TRIM56: variants seen among roughly 807,000 people sequenced by gnomAD.
TRIM56 encodes the protein tripartite motif containing 56, also known as E3 ubiquitin-protein ligase TRIM56.
A neutral mutation model predicts 17.1 loss-of-function variants in TRIM56; 10 were observed. That is an observed-to-expected ratio of 0.58 (90% CI 0.36 to 0.99). TRIM56 has a LOEUF of 0.99. Ranked by LOEUF, TRIM56 falls within the 50% of genes least tolerant of loss-of-function variation. The pLI is 0.01. For synonymous variants in TRIM56, 503 were observed against 473.5 expected, an observed-to-expected ratio of 1.06 and a Z score of -0.81; for missense variants, 923 against 1,052.3, an observed-to-expected ratio of 0.88 and a Z score of 1.70.
chr7:101,087,190 C>A, intron 2 of TRIM56, 22 bp downstream of exon 2: 1 of 919,448 alleles, frequency 1.1e-6, no homozygotes, highest in South Asian at 1.6e-5. Flanking sequence ...GGTTCCTTCC[C>A]GGCCATTTGG....
rs748731606 is a variant in TRIM56, at chr7:101,091,727, CA to C, written c.*2156del. 3.3e-4 allele frequency: 144 copies of C among 436,702 alleles called. No homozygotes were observed. Among genetic ancestry groups the C allele is most frequent in the Middle Eastern group, 1.4e-3 (2 of 1,412 alleles). The allele number at this position is 436,702 out of a possible 1,614,324, so 27.1% of individuals were successfully genotyped here. ...GGGTAACAAGAATGAAACTCCATCT[CA>C]AAAAAAAAGAAAAAGAAAAGAAAGA... On this transcript the variant is annotated 3_prime_UTR_variant, in exon 3 of 3. Transcript: ENST00000306085.
chr7:101,088,159 G>A lies in TRIM56; in HGVS notation c.847G>A (p.Ala283Thr). The A allele has an allele frequency of 6.7e-7, 1 of 1,500,122 alleles. No individual in the cohort carries two copies. The highest frequency in any genetic ancestry group is 1.3e-5 in the South Asian group (1 of 78,962). The allele number at this position is 1,500,122 out of a possible 1,614,324, so 92.9% of individuals were successfully genotyped here. The change falls in exon 3 of 3, where the codon GCT becomes ACT. Residue 283 changes from alanine (A) to threonine (T), a missense_variant. Coordinates refer to ENST00000306085, the MANE Select transcript of TRIM56 (RefSeq NM_030961.3). ...GGGGCAGCTACGAGCCCACGTGGAG[G>A]CTGCCGAAGAAGCTGCTCGGGAGAG... ...VLGQLRAHVE[A>T]AEEAARERLA...
chr7:101,085,979 A>G (rs1008717791), intron 1 of TRIM56, among the ~76,000 whole-genome samples: 13 of 152,202 alleles, frequency 8.5e-5, no homozygotes, highest in African/African-American at 2.9e-4. Flanking sequence ...AGGGTGAGCC[A>G]GCAGCGGGAA....
chr7:101,087,537 C>A lies in TRIM56; in HGVS notation c.225C>A (p.Thr75=), dbSNP rs774509427. The stretch of plus-strand genomic sequence containing the variant: ...CCGAGGGTGTGGCCTCCTTCAAGAC[C>A]AACTTCTTCGTCAATGGGCTGCTGG... ...VPPEGVASFK[T]NFFVNGLLDL... The change falls in exon 3 of 3, where the codon ACC becomes ACA. Residue 75 remains threonine (T), a synonymous_variant. Transcript: ENST00000306085. 1 of 1,613,288 alleles carries A rather than the reference C, an allele frequency of 6.2e-7. No individual in the cohort carries two copies. The highest frequency in any genetic ancestry group is 8.5e-7 in the Non-Finnish European group (1 of 1,179,618).
rs1584891032 is a variant in TRIM56 at position 101,089,744 on chromosome 7, A to C, written c.*164A>C. On this transcript the variant is annotated 3_prime_UTR_variant, in exon 3 of 3. Coordinates refer to ENST00000306085, the MANE Select transcript of TRIM56 (RefSeq NM_030961.3). ...CTAACCCGTCTTCTAGTGTGTGAGA[A>C]TAGGGACCAAGGTGGTGGCGTGACC... The C allele has an allele frequency of 4.6e-6, 3 of 651,332 alleles. No individual in the cohort carries two copies. The East Asian group carries it at 8.4e-5, about 18-fold the overall frequency. The allele number at this position is 651,332 out of a possible 1,614,324, so 40.3% of individuals were successfully genotyped here.
rs1795467755 is a variant in TRIM56 at position 101,087,443 on chromosome 7, G to T, written c.131G>T (p.Cys44Phe). The change falls in exon 3 of 3, where the codon TGC becomes TTC. Residue 44 changes from cysteine (C) to phenylalanine (F), a missense_variant. This residue lies in a region of TRIM56 where 98 missense variants were observed against 143.6 expected (regional missense o/e 0.68). Transcript: ENST00000306085. The stretch of plus-strand genomic sequence containing the variant: ...TGCCTGCATACCTACTGCCAAGACT[G>T]CCTGGCACAGCTGGCGGATGGCGGC... ...LPCLHTYCQD[C>F]LAQLADGGRV... 2 of 1,613,376 alleles carry T rather than the reference G, an allele frequency of 1.2e-6. No individual in the cohort carries two copies. Among genetic ancestry groups the T allele is most frequent in the Non-Finnish European group, 1.7e-6 (2 of 1,179,990 alleles).
At position 101,093,756 on chromosome 7, in the gene TRIM56, G is replaced by C. The variant is rs1018381655; in HGVS notation, c.*4176G>C. ...GAGGCAGGAGACTCGCTTGAACCTG[G>C]GAGGCAGAGGGTGCAGCGAGCCGAG... is the stretch of plus-strand genomic sequence containing the variant. On this transcript the variant is annotated 3_prime_UTR_variant, in exon 3 of 3. Transcript: ENST00000306085. 1 of 152,160 alleles carries C rather than the reference G, an allele frequency of 6.6e-6. No individual in the cohort carries two copies. The highest frequency in any genetic ancestry group is 2.4e-5 in the African/African-American group (1 of 41,436). The allele number at this position is 152,160 out of a possible 1,614,324, so 9.4% of individuals were successfully genotyped here.
At position 101,094,527 on chromosome 7, in the gene TRIM56, G is replaced by T. The variant is rs1795627971; in HGVS notation, c.*4947G>T. ...ATAACTACTGGGTTTGAGAATGAAG[G>T]TGTCAGAACGAATGAGATTGTCCTA... On this transcript the variant is annotated 3_prime_UTR_variant, in exon 3 of 3. Coordinates refer to ENST00000306085, the MANE Select transcript of TRIM56 (RefSeq NM_030961.3). 6.6e-6 allele frequency: 1 copy of T among 152,178 alleles called. No homozygotes were observed. The highest frequency in any genetic ancestry group is 2.4e-5 in the African/African-American group (1 of 41,420). 9.4% of individuals were successfully genotyped at this position (152,178 alleles called of 1,614,324 possible).
Position 101,093,778 on chromosome 7 carries a change from C to T in TRIM56, c.*4198C>T, listed in dbSNP as rs768949158. The T allele has an allele frequency of 6.6e-6, 1 of 152,112 alleles. No individual in the cohort carries two copies. The highest frequency in any genetic ancestry group is 1.9e-4 in the East Asian group (1 of 5,196). 9.4% of individuals were successfully genotyped at this position (152,112 alleles called of 1,614,324 possible). ...CTGGGAGGCAGAGGGTGCAGCGAGC[C>T]GAGTTCACCCCATTGCACTCCAGCC... On this transcript the variant is annotated 3_prime_UTR_variant, in exon 3 of 3. Transcript: ENST00000306085.
chr7:101,089,603 G>A lies in TRIM56; in HGVS notation c.*23G>A. Reference sequence around the variant, plus strand: ...TAAAGGGGCTAGGACTAGGGTGAGAGGGAGTGGGGAGGGAGAGGGCAGGAA... The same window carrying A: ...TAAAGGGGCTAGGACTAGGGTGAGAAGGAGTGGGGAGGGAGAGGGCAGGAA... On this transcript the variant is annotated 3_prime_UTR_variant, in exon 3 of 3. Transcript: ENST00000306085. The A allele has an allele frequency of 1.9e-6, 3 of 1,588,810 alleles. No homozygotes were observed. The highest frequency in any genetic ancestry group is 8.6e-7 in the Non-Finnish European group (1 of 1,162,956).
In TRIM56 at chr7:101,088,845, C is replaced by T. The variant is rs201474959; in HGVS notation, c.1533C>T (p.Thr511=). The change falls in exon 3 of 3, where the codon ACC becomes ACT. Residue 511 remains threonine, a synonymous_variant. Coordinates refer to ENST00000306085, the MANE Select transcript of TRIM56 (RefSeq NM_030961.3). Reference sequence around the variant, plus strand: ...GAGACAAGCGGTCCCCCCGGATCACCGGGCTCTGTCCCTTCGGTCCCCGGG... The same window carrying T: ...GAGACAAGCGGTCCCCCCGGATCACTGGGCTCTGTCCCTTCGGTCCCCGGG... The part of the protein sequence containing the change: ...MPGDKRSPRI[T]GLCPFGPREI... 4.1e-5 allele frequency: 66 copies of T among 1,613,698 alleles called. No homozygotes were observed. The highest frequency in any genetic ancestry group is 5.1e-5 in the Non-Finnish European group (60 of 1,180,048).
chr7:101,093,334 A>C lies in TRIM56; in HGVS notation c.*3754A>C, dbSNP rs1795608803. ...GAGAAACACCCAAGAATGATCAATA[A>C]AAAATTAAAAAAAAAAAAAAAAAAA... On this transcript the variant is annotated 3_prime_UTR_variant, in exon 3 of 3. Transcript: ENST00000306085. 1.4e-5 allele frequency: 2 copies of C among 143,760 alleles called. No individual in the cohort carries two copies. Among genetic ancestry groups the C allele is most frequent in the Non-Finnish European group, 2.9e-5 (2 of 67,800 alleles). The allele number at this position is 143,760 out of a possible 1,614,324, so 8.9% of individuals were successfully genotyped here.
At chr7:101,087,244 G>C (rs552691434) in intron 2 of TRIM56, 68 bp from the exon 3 acceptor site, 7 of 1,428,502 alleles carry the variant, frequency 4.9e-6, no homozygotes, top group Non-Finnish European at 5.8e-6. Flanking sequence ...GAGGACGGGC[G>C]GTAGAAGCTA....
chr7:101,088,419 C>A lies in TRIM56; in HGVS notation c.1107C>A (p.Ser369=), dbSNP rs1355866984. The A allele has an allele frequency of 6.2e-7, 1 of 1,612,408 alleles. No individual in the cohort carries two copies. Among genetic ancestry groups the A allele is most frequent in the Admixed American group, 1.7e-5 (1 of 59,796 alleles). Residue 369 remains serine, a synonymous_variant, in exon 3 of 3, where the codon TCC becomes TCA. Transcript: ENST00000306085. ...AGAACTGCCACCTTCTTCGGCTGTC[C>A]TTTGAGGAGCAGCAGCCCCAGAAGG... The part of the protein sequence containing the change: ...LDKNCHLLRL[S]FEEQQPQKDG...
chr7:101,087,982 G>A lies in TRIM56; in HGVS notation c.670G>A (p.Asp224Asn). Residue 224 changes from aspartate (D) to asparagine (N), a missense_variant, in exon 3 of 3, where the codon GAC becomes AAC. By Grantham distance (23) the Asp-to-Asn change is conservative. This residue lies in a region of TRIM56 where 643 missense variants were observed against 665.6 expected (regional missense o/e 0.97). Transcript: ENST00000306085. ...PGLEGLLAGVDNNLVELEAAR... is the reference protein window; with the variant it reads ...PGLEGLLAGVNNNLVELEAAR... ...CCTGGAGGGACTGCTGGCCGGTGTGGACAATAACCTGGTGGAGCTGGAGGC... is the reference window on the plus strand; with the variant it reads ...CCTGGAGGGACTGCTGGCCGGTGTGAACAATAACCTGGTGGAGCTGGAGGC... 1 of 1,593,006 alleles carries A rather than the reference G, an allele frequency of 6.3e-7. No homozygotes were observed. Among genetic ancestry groups the A allele is most frequent in the Non-Finnish European group, 8.5e-7 (1 of 1,176,042 alleles).
rs1039935812 is a variant in TRIM56 at position 101,094,259 on chromosome 7, T to G, written c.*4679T>G. On this transcript the variant is annotated 3_prime_UTR_variant, in exon 3 of 3. Transcript: ENST00000306085. The stretch of plus-strand genomic sequence containing the variant: ...CGGAGAATCAGGAATTATGATCAAA[T>G]AGTGATAGTAACAAGGAAAACATCT... 1.3e-5 allele frequency: 2 copies of G among 152,216 alleles called. No individual in the cohort carries two copies. The highest frequency in any genetic ancestry group is 4.8e-5 in the African/African-American group (2 of 41,454). 9.4% of individuals were successfully genotyped at this position (152,216 alleles called of 1,614,324 possible).
chr7:101,088,915 T>A lies in TRIM56; in HGVS notation c.1603T>A (p.Ser535Thr), dbSNP rs750018522. The A allele has an allele frequency of 2.7e-5, 43 of 1,613,730 alleles. No individual in the cohort carries two copies. In the South Asian group the frequency reaches 3.4e-4, roughly 13 times the overall value. ...DEQNRALKRFSLNGDYKGTVP... is the reference protein window; with the variant it reads ...DEQNRALKRFTLNGDYKGTVP... ...GCAGAACCGGGCACTGAAACGCTTCTCCCTCAACGGCGACTACAAGGGCAC... is the reference window on the plus strand; with the variant it reads ...GCAGAACCGGGCACTGAAACGCTTCACCCTCAACGGCGACTACAAGGGCAC... Residue 535 changes from serine to threonine, a missense_variant, in exon 3 of 3, where the codon TCC becomes ACC. Physicochemically the swap from Ser to Thr is moderately conservative, Grantham distance 58. Around this residue, in one of 3 missense-constraint regions of TRIM56, gnomAD observed 643 missense variants for 665.6 expected, o/e 0.97. Transcript: ENST00000306085.
intron 1 of TRIM56, among the ~76,000 whole-genome samples, chr7:101,086,560 CAAAAAAAAAAA>C (rs768912765): frequency 7.7e-5 from 3 of 39,056 alleles, no homozygotes; most frequent in Admixed American, 2.7e-4. Context: ...GACTCTGTCT[CAAAAAAAAAAA>C]AAAAAAAAAA....
chr7:101,092,503 T>G lies in TRIM56; in HGVS notation c.*2923T>G, dbSNP rs1795585331. On this transcript the variant is annotated 3_prime_UTR_variant, in exon 3 of 3. Transcript: ENST00000306085. ...CCCCGTCTGAGAAGTGAGGAGCCCC[T>G]CCGCCTGGCAGCCGCCCCGTCTGAG... The G allele has an allele frequency of 6.2e-6, 1 of 162,122 alleles. No individual in the cohort carries two copies. Among genetic ancestry groups the G allele is most frequent in the Non-Finnish European group, 1.3e-5 (1 of 78,372 alleles). The allele number at this position is 162,122 out of a possible 1,614,324, so 10.0% of individuals were successfully genotyped here.
Sources: gnomAD v4.1 joint callset for allele counts (sites outside exome capture counted in the v4.1 genomes callset) on GRCh38, gnomAD v4.1.1 for gene constraint, gnomAD v4.1.1 regional missense constraint, MANE v1.5 for transcripts, NCBI Gene and HGNC (gene_info 2026-07-23, HGNC 2026-07-21) for gene names.